Variants in SSUH2 observed in about 807,000 individuals in gnomAD.
SSUH2 encodes ssu-2 homolog.
A neutral mutation model predicts 55.3 loss-of-function variants in SSUH2; 47 were observed. The observed-to-expected ratio is 0.85, with a 90% CI of 0.67 to 1.08. The LOEUF is 1.08. Ranked by LOEUF, SSUH2 falls within the 50% of genes least tolerant of loss-of-function variation. The probability of loss-of-function intolerance (pLI) is 0.00; values close to 1 mark genes in which losing one functional copy is unlikely to be tolerated. For synonymous variants in SSUH2, 212 were observed against 191.5 expected, an observed-to-expected ratio of 1.11 and a Z score of -0.89; for missense variants, 535 against 490.7, an observed-to-expected ratio of 1.09 and a Z score of -0.85.
Position 8,673,047 on chromosome 3 carries a change from T to A in SSUH2, c.-752-1012A>T, listed in dbSNP as rs138125684. On this transcript the variant is annotated intron_variant, in intron 3 of 18. Coordinates refer to the SSUH2 transcript ENST00000317371. The stretch of plus-strand genomic sequence containing the variant: ...TCCTCATTTAATATAAACATGAATA[T>A]GTATTACCAATATTAATATTAATAT... Among the ~76,000 whole-genome samples, 449 of 152,048 alleles carry A rather than the reference T, an allele frequency of 3.0e-3. 15 individuals carry two copies. The East Asian group carries it at 0.046, about 16-fold the overall frequency.
At chr3:8,635,209 G>T in intron 3 of SSUH2, 91 bp downstream of exon 3, 1 of 1,127,216 alleles carries the variant, frequency 8.9e-7, no homozygotes, top group Non-Finnish European at 1.2e-6. Context: ...CCCCCTCCAG[G>T]GATCCTGATG....
rs527796297 is a variant in SSUH2 at position 8,679,721 on chromosome 3, A to T, written c.-917T>A. The T allele has an allele frequency of 1.4e-3, 253 of 186,660 alleles. 2 individuals carry two copies. The highest frequency in any genetic ancestry group is 8.2e-3 in the Middle Eastern group (3 of 366). The allele number at this position is 186,660 out of a possible 1,614,324, so 11.6% of individuals were successfully genotyped here. A position where few individuals can be genotyped will look rare whatever the true frequency, so the allele number is the denominator to read the frequency against. On this transcript the variant is annotated 5_prime_UTR_variant, in exon 2 of 19. Transcript: ENST00000317371. ...AGGACCCACCTGGAGGACTGTGGGT[A>T]TTAGGTGTCTAAGAAGAAAGCTCAG...
intron 1 of SSUH2, among the ~76,000 whole-genome samples, chr3:8,639,770 G>C (rs534805860): frequency 6.6e-6 from 1 of 152,234 alleles, no homozygotes; most frequent in African/African-American, 2.4e-5. Flanking sequence ...GTGCTCAAAG[G>C]GCTTCCCATC....
chr3:8,677,842 C>T (rs1051922990), intron 2 of SSUH2, among the ~76,000 whole-genome samples: 1 of 150,578 alleles, frequency 6.6e-6, no homozygotes, highest in African/African-American at 2.4e-5. Context: ...CCACCACCAG[C>T]TCTCAGGATC....
chr3:8,623,059 GCTGCTC>G (rs1336138297), intron 11 of SSUH2, among the ~76,000 whole-genome samples: 2 of 152,170 alleles, frequency 1.3e-5, no homozygotes. Context: ...GCTACTCAGG[GCTGCTC>G]CTGGGGATGT....
At chr3:8,656,790 T>C (rs978311989) in intron 7 of SSUH2, among the ~76,000 whole-genome samples, 2 of 152,180 alleles carry the variant, frequency 1.3e-5, no homozygotes, top group South Asian at 2.1e-4. Flanking sequence ...GGGATTTGAA[T>C]GTGGGTTTTT....
intron 1 of SSUH2, among the ~76,000 whole-genome samples, chr3:8,638,623 T>C (rs755910870): frequency 1.5e-4 from 23 of 152,262 alleles, no homozygotes; most frequent in Admixed American, 3.3e-4. Context: ...CTCCCTCCTA[T>C]GCAAAACAGA....
At position 8,632,013 on chromosome 3, in the gene SSUH2, G is replaced by GC. The variant is rs1484496570; in HGVS notation, c.400+35dup. The GC allele has an allele frequency of 4.5e-6, 7 of 1,554,206 alleles. No individual in the cohort carries two copies. The Admixed American group carries it at 1.0e-4, about 22-fold the overall frequency. ...TTTCCACCAGCACCCTGACTTATTT[G>GC]CCCCCAGTTAAACTAATTTCAGACA... On this transcript the variant is annotated intron_variant, in intron 5 of 11. Transcript: ENST00000544814.
chr3:8,652,437 A>C (rs1702520950), intron 7 of SSUH2, among the ~76,000 whole-genome samples: 1 of 152,054 alleles, frequency 6.6e-6, no homozygotes, highest in Non-Finnish European at 1.5e-5. Context: ...GCATAACCTC[A>C]ATGCTTATCA....
chr3:8,632,313 A>G (rs905300057), intron 4 of SSUH2, among the ~76,000 whole-genome samples: 2 of 152,180 alleles, frequency 1.3e-5, no homozygotes, highest in Non-Finnish European at 2.9e-5. Flanking sequence ...AGCCAGCCCC[A>G]GGAAATCTCC....
intron 5 of SSUH2, chr3:8,664,027 G>C: frequency 5.9e-6 from 2 of 340,378 alleles, no homozygotes; most frequent in East Asian, 8.2e-5. Context: ...TTTCTCTCCC[G>C]GCCCATGTCA....
At chr3:8,638,118 T>A (rs1700222981) in intron 1 of SSUH2, among the ~76,000 whole-genome samples, 1 of 152,088 alleles carries the variant, frequency 6.6e-6, no homozygotes, top group Non-Finnish European at 1.5e-5. Flanking sequence ...CTTGAGGGGA[T>A]CAGAAAGGTA....
chr3:8,670,979 A>T (rs1704505236), intron 5 of SSUH2: 1 of 419,550 alleles, frequency 2.4e-6, no homozygotes, highest in Non-Finnish European at 4.9e-6. Context: ...GATATAACGA[A>T]TAATGTCAGA....
chr3:8,676,863 A>ACGG (rs1301347316), intron 3 of SSUH2, among the ~76,000 whole-genome samples: 1 of 144,862 alleles, frequency 6.9e-6, no homozygotes, highest in Non-Finnish European at 1.5e-5. Flanking sequence ...CCCCCATCGC[A>ACGG]GGGGAGGAGG....
intron 7 of SSUH2, among the ~76,000 whole-genome samples, chr3:8,656,357 C>T (rs1196413862): frequency 2.0e-5 from 3 of 152,194 alleles, no homozygotes. Context: ...GGAAATGAGG[C>T]CTCCTGGAAC....
rs113664226 is a variant in SSUH2 at position 8,655,543 on chromosome 3, G to A, written c.-307+3382C>T. On this transcript the variant is annotated intron_variant, in intron 7 of 18. Transcript: ENST00000317371. Reference sequence around the variant, plus strand: ...AGTGTGTGGCCTCCCCGAGATCACAGTGGGTGGCTTCCCAAGGTCTCAGTG... The same window carrying A: ...AGTGTGTGGCCTCCCCGAGATCACAATGGGTGGCTTCCCAAGGTCTCAGTG... 4.9e-3 allele frequency among the ~76,000 whole-genome samples: 742 copies of A among 152,210 alleles called. 6 individuals are homozygous for A. Among genetic ancestry groups the A allele is most frequent in the African/African-American group, 0.017 (701 of 41,484 alleles).
At chr3:8,651,772 C>T (rs571180505) in intron 7 of SSUH2, among the ~76,000 whole-genome samples, 1 of 152,282 alleles carries the variant, frequency 6.6e-6, no homozygotes, top group Admixed American at 6.5e-5. Context: ...CAGCCCTCAG[C>T]AAGGATGGAT....
chr3:8,678,456 A>G (rs1705600219), intron 2 of SSUH2, among the ~76,000 whole-genome samples: 1 of 150,218 alleles, frequency 6.7e-6, no homozygotes, highest in East Asian at 2.0e-4. Context: ...CTCCGCCTCT[A>G]TCCCCCCCTG....
chr3:8,640,951 G>A (rs17049388), intron 1 of SSUH2, among the ~76,000 whole-genome samples: 9,301 of 152,296 alleles, frequency 0.061, 728 homozygotes, highest in African/African-American at 0.17. Context: ...AGAAAGTGCT[G>A]TCATGCCAAG....
Sources: gnomAD v4.1 joint callset for allele counts (sites outside exome capture counted in the v4.1 genomes callset) on GRCh38, gnomAD v4.1.1 for gene constraint, MANE v1.5 for transcripts, NCBI Gene and HGNC (gene_info 2026-07-23, HGNC 2026-07-21) for gene names.